RSPO2: variants seen among roughly 807,000 people sequenced by gnomAD.
RSPO2 encodes the protein R-spondin-2.
RSPO2 carries 14 observed loss-of-function variants against 30.9 expected under a neutral mutation model. The observed-to-expected ratio is 0.45, with a 90% CI of 0.30 to 0.71. RSPO2 has a LOEUF of 0.71. Ranked by LOEUF, RSPO2 falls within the 30% of genes least tolerant of loss-of-function variation. RSPO2 has a pLI of 0.08. For missense variants in RSPO2, 264 were observed against 301.9 expected, an observed-to-expected ratio of 0.87 and a Z score of 0.93; for synonymous variants, 107 against 96.4, an observed-to-expected ratio of 1.11 and a Z score of -0.64.
chr8:108,081,698 C>G (rs1425748450), intron 2 of RSPO2, among the ~76,000 whole-genome samples: 2 of 152,060 alleles, frequency 1.3e-5, no homozygotes, highest in African/African-American at 4.8e-5. Flanking sequence ...TCCCCGAAAC[C>G]TTTCTGGAGG....
intron 2 of RSPO2, among the ~76,000 whole-genome samples, chr8:108,066,256 G>A (rs1812664273): frequency 6.6e-6 from 1 of 152,128 alleles, no homozygotes; most frequent in African/African-American, 2.4e-5. Flanking sequence ...GCCTTCCAGA[G>A]AGTGTTTAAA....
intron 2 of RSPO2, among the ~76,000 whole-genome samples, chr8:108,063,950 T>C (rs1812567737): frequency 6.6e-6 from 1 of 152,182 alleles, no homozygotes; most frequent in African/African-American, 2.4e-5. Flanking sequence ...ATTTAATAAA[T>C]GGTGCTGGGA....
chr8:107,913,425 T>G (rs953774419), intron 5 of RSPO2, among the ~76,000 whole-genome samples: 3 of 152,220 alleles, frequency 2.0e-5, no homozygotes, highest in Admixed American at 6.5e-5. Flanking sequence ...TATTTTGTTA[T>G]TCCTACAGGA....
At chr8:108,031,877 A>G (rs1811434486) in intron 2 of RSPO2, among the ~76,000 whole-genome samples, 1 of 152,192 alleles carries the variant, frequency 6.6e-6, no homozygotes, top group Non-Finnish European at 1.5e-5. Flanking sequence ...AAGGAATAGA[A>G]TAGGATTGAT....
At chr8:107,952,316 C>CAT (rs1185653662) in intron 5 of RSPO2, among the ~76,000 whole-genome samples, 2 of 146,592 alleles carry the variant, frequency 1.4e-5, no homozygotes, top group Non-Finnish European at 3.0e-5. Context: ...CACACACACA[C>CAT]ATATTATGAT....
At chr8:108,077,826 C>T (rs185355778) in intron 2 of RSPO2, among the ~76,000 whole-genome samples, 5 of 152,172 alleles carry the variant, frequency 3.3e-5, no homozygotes, top group Admixed American at 6.5e-5. Flanking sequence ...AAAAAATAAG[C>T]TTCATGTCAT....
chr8:108,079,354 A>G (rs2130738182), intron 2 of RSPO2, among the ~76,000 whole-genome samples: 1 of 152,286 alleles, frequency 6.6e-6, no homozygotes, highest in East Asian at 1.9e-4. Context: ...ATTTTTCAAA[A>G]TAAGGGGAAG....
At chr8:107,999,962 T>C (rs1815177187) in intron 2 of RSPO2, among the ~76,000 whole-genome samples, 1 of 152,136 alleles carries the variant, frequency 6.6e-6, no homozygotes, top group Admixed American at 6.6e-5. Flanking sequence ...CATGGGTCAC[T>C]GGAAAAATAT....
chr8:107,901,209 A>G lies in RSPO2; in HGVS notation c.617-19T>C, dbSNP rs112633187. 3.3e-5 allele frequency: 53 copies of G among 1,600,720 alleles called. No homozygotes were observed. The African/African-American group carries it at 6.1e-4, about 18-fold the overall frequency. ...CTCTTCCCTGCAATGAAGGAAAGAA[A>G]AGAAGAGATGTCAGAAATGGCTCTT... On this transcript the variant is annotated intron_variant, in intron 5 of 5. Coordinates refer to ENST00000276659, the MANE Select transcript of RSPO2 (RefSeq NM_178565.5).
At chr8:107,906,897 T>C (rs1465454627) in intron 5 of RSPO2, among the ~76,000 whole-genome samples, 1 of 152,028 alleles carries the variant, frequency 6.6e-6, no homozygotes, top group Non-Finnish European at 1.5e-5. Flanking sequence ...CATCACCTAA[T>C]ATGCTTTTTT....
chr8:108,001,147 G>A (rs938237586), intron 2 of RSPO2, among the ~76,000 whole-genome samples: 5 of 152,048 alleles, frequency 3.3e-5, no homozygotes, highest in East Asian at 1.9e-4. Context: ...AGCCAAGATC[G>A]CGCCCCTGCA....
At chr8:107,914,280 A>G (rs1311022911) in intron 5 of RSPO2, among the ~76,000 whole-genome samples, 1 of 152,152 alleles carries the variant, frequency 6.6e-6, no homozygotes, top group African/African-American at 2.4e-5. Context: ...AACAGTAAAC[A>G]TAAGATGGCC....
intron 2 of RSPO2, among the ~76,000 whole-genome samples, chr8:108,003,619 G>A (rs1815356022): frequency 6.6e-6 from 1 of 151,778 alleles, no homozygotes; most frequent in Non-Finnish European, 1.5e-5. Context: ...ACAAGGTTCT[G>A]TCTATTATGA....
chr8:107,965,711 T>C (rs1813780331), intron 3 of RSPO2, among the ~76,000 whole-genome samples: 1 of 152,160 alleles, frequency 6.6e-6, no homozygotes, highest in Non-Finnish European at 1.5e-5. Context: ...GTTTTAATGC[T>C]TGCTAAGTAA....
chr8:108,001,034 T>TA (rs982989724), intron 2 of RSPO2, among the ~76,000 whole-genome samples: 11 of 127,630 alleles, frequency 8.6e-5, no homozygotes, highest in Non-Finnish European at 1.5e-4. Flanking sequence ...AATAAAATAA[T>TA]AAAAAAAATT....
At chr8:107,978,673 G>A (rs543500250) in intron 3 of RSPO2, among the ~76,000 whole-genome samples, 1 of 152,150 alleles carries the variant, frequency 6.6e-6, no homozygotes, top group Non-Finnish European at 1.5e-5. Context: ...AGCCAAAATT[G>A]ACAAATGGAA....
At chr8:107,925,122 T>C (rs1487707808) in intron 5 of RSPO2, among the ~76,000 whole-genome samples, 1 of 151,992 alleles carries the variant, frequency 6.6e-6, no homozygotes, top group Non-Finnish European at 1.5e-5. Flanking sequence ...CAGAGTGATA[T>C]GATGGATTTA....
At chr8:107,921,144 A>G (rs2130308257) in intron 5 of RSPO2, among the ~76,000 whole-genome samples, 1 of 152,222 alleles carries the variant, frequency 6.6e-6, no homozygotes, top group African/African-American at 2.4e-5. Context: ...GGTACATTAT[A>G]CCCTAAAATA....
At chr8:107,975,181 T>C (rs1384138438) in intron 3 of RSPO2, among the ~76,000 whole-genome samples, 4 of 152,254 alleles carry the variant, frequency 2.6e-5, no homozygotes, top group African/African-American at 7.2e-5. Context: ...TCATATTTAG[T>C]ATCTTGTGAT....
Sources: gnomAD v4.1 joint callset for allele counts (sites outside exome capture counted in the v4.1 genomes callset) on GRCh38, gnomAD v4.1.1 for gene constraint, MANE v1.5 for transcripts, NCBI Gene and HGNC (gene_info 2026-07-23, HGNC 2026-07-21) for gene names.